Variants in STK32B observed in about 807,000 individuals in gnomAD.
The protein encoded by STK32B is serine/threonine kinase 32B.
STK32B carries 43 observed loss-of-function variants against 52.6 expected under a neutral mutation model. The observed-to-expected ratio is 0.82, with a 90% confidence interval of 0.64 to 1.05. The LOEUF (loss-of-function observed/expected upper bound fraction) is 1.05. Ranked by LOEUF, STK32B falls within the 50% of genes least tolerant of loss-of-function variation. The pLI is 0.00. For missense variants in STK32B, 621 were observed against 534.6 expected, an observed-to-expected ratio of 1.16 and a Z score of -1.59; for synonymous variants, 238 against 204.3, an observed-to-expected ratio of 1.17 and a Z score of -1.41.
intron 4 of STK32B, among the ~76,000 whole-genome samples, chr4:5,377,071 C>A (rs987428135): frequency 6.6e-6 from 1 of 152,196 alleles, no homozygotes; most frequent in Non-Finnish European, 1.5e-5. Flanking sequence ...AGCTTCCTGG[C>A]AGCTCTCTGC....
At chr4:5,245,172 G>A (rs1384720107) in intron 3 of STK32B, among the ~76,000 whole-genome samples, 3 of 152,200 alleles carry the variant, frequency 2.0e-5, no homozygotes, top group African/African-American at 4.8e-5. Flanking sequence ...AATGTTGACA[G>A]TGGGGTGTTA....
intron 3 of STK32B, among the ~76,000 whole-genome samples, chr4:5,182,793 G>T (rs1026695970): frequency 7.9e-5 from 12 of 151,972 alleles, no homozygotes; most frequent in African/African-American, 2.9e-4. Context: ...AGATGTGAAG[G>T]TCAAGATTAC....
At chr4:5,257,371 A>ATGAG in intron 3 of STK32B, among the ~76,000 whole-genome samples, 1 of 152,060 alleles carries the variant, frequency 6.6e-6, no homozygotes, top group African/African-American at 2.4e-5. Flanking sequence ...GAGTAAGTGA[A>ATGAG]TGAGTGAATG....
chr4:5,160,287 A>C (rs1718336675), intron 2 of STK32B, among the ~76,000 whole-genome samples: 1 of 152,116 alleles, frequency 6.6e-6, no homozygotes, highest in Non-Finnish European at 1.5e-5. Flanking sequence ...TGAACCGCAT[A>C]CTCAGTGCTT....
At chr4:5,388,240 G>A (rs540283298) in intron 4 of STK32B, among the ~76,000 whole-genome samples, 3 of 152,282 alleles carry the variant, frequency 2.0e-5, no homozygotes, top group East Asian at 1.9e-4. Context: ...TCATTTTGGC[G>A]TCCACTCCTC....
Position 5,457,235 on chromosome 4 carries a change from A to G in STK32B, c.783+312A>G, listed in dbSNP as rs1327744269. Among the ~76,000 whole-genome samples the G allele has an allele frequency of 4.0e-5, 5 of 125,038 alleles. No homozygotes were observed. In the South Asian group the frequency reaches 7.8e-4, roughly 20 times the overall value. 82.0% of individuals were successfully genotyped at this position (125,038 alleles called of 152,430 possible). A position where few individuals can be genotyped will look rare whatever the true frequency, so the allele number is the denominator to read the frequency against. On this transcript the variant is annotated intron_variant, in intron 8 of 11. Transcript: ENST00000282908. Reference sequence around the variant, plus strand: ...TTCTTTTTTTTTTTTTTTTTTTAATATACGGAGTCTCACTCTGTCGCCCAG... The same window carrying G: ...TTCTTTTTTTTTTTTTTTTTTTAATGTACGGAGTCTCACTCTGTCGCCCAG...
chr4:5,146,967 T>C (rs1252295413), intron 2 of STK32B, among the ~76,000 whole-genome samples: 2 of 152,210 alleles, frequency 1.3e-5, no homozygotes, highest in Non-Finnish European at 2.9e-5. Flanking sequence ...GGAATTACAA[T>C]TGGTCAAATC....
At chr4:5,314,295 G>A (rs1730514529) in intron 3 of STK32B, among the ~76,000 whole-genome samples, 1 of 152,136 alleles carries the variant, frequency 6.6e-6, no homozygotes, top group African/African-American at 2.4e-5. Flanking sequence ...CATGAAGGAA[G>A]GATAGCTTCT....
intron 1 of STK32B, among the ~76,000 whole-genome samples, chr4:5,060,195 A>T (rs1220092743): frequency 6.6e-6 from 1 of 152,020 alleles, no homozygotes; most frequent in African/African-American, 2.4e-5. Context: ...CGAACTCCCA[A>T]CCTCAGGTGA....
At chr4:5,137,771 A>G (rs957306804) in intron 1 of STK32B, among the ~76,000 whole-genome samples, 2 of 152,304 alleles carry the variant, frequency 1.3e-5, no homozygotes, top group Admixed American at 6.5e-5. Context: ...AAGGAAAAAA[A>G]TGGTTAGTTG....
At chr4:5,040,893 T>G in the STK32B span, among the ~76,000 whole-genome samples, 1 of 152,156 alleles carries the variant, frequency 6.6e-6, no homozygotes, top group African/African-American at 2.4e-5. Context: ...ATGAATACCC[T>G]AGGCAACTGT....
At chr4:5,387,111 C>T (rs1736305986) in intron 4 of STK32B, among the ~76,000 whole-genome samples, 1 of 152,218 alleles carries the variant, frequency 6.6e-6, no homozygotes, top group Admixed American at 6.5e-5. Context: ...CTGGGGGTCA[C>T]AATTAACTAT....
At chr4:5,411,921 A>G (rs1432156307) in intron 5 of STK32B, among the ~76,000 whole-genome samples, 1 of 152,182 alleles carries the variant, frequency 6.6e-6, no homozygotes, top group African/African-American at 2.4e-5. Flanking sequence ...ATTTCCTGGT[A>G]GTGGAAGTAT....
the STK32B span, among the ~76,000 whole-genome samples, chr4:5,024,646 G>C: frequency 6.6e-6 from 1 of 152,146 alleles, no homozygotes; most frequent in Non-Finnish European, 1.5e-5. Flanking sequence ...AGCCTCCTCA[G>C]CCCTGACATT....
chr4:5,114,430 A>G (rs558099438), intron 1 of STK32B, among the ~76,000 whole-genome samples: 8 of 152,072 alleles, frequency 5.3e-5, no homozygotes, highest in Admixed American at 3.3e-4. Context: ...GTTTAGTGTC[A>G]GGCGTCCTGT....
intron 3 of STK32B, among the ~76,000 whole-genome samples, chr4:5,174,324 G>A (rs1333945819): frequency 6.6e-6 from 1 of 152,144 alleles, no homozygotes; most frequent in African/African-American, 2.4e-5. Context: ...ATTGTTATGT[G>A]TGAATTTGAT....
At chr4:5,105,615 G>T (rs1714055055) in intron 1 of STK32B, among the ~76,000 whole-genome samples, 1 of 152,050 alleles carries the variant, frequency 6.6e-6, no homozygotes, top group Middle Eastern at 3.4e-3. Flanking sequence ...CCAGGCTGGA[G>T]TGTAGTGGCG....
chr4:5,346,820 A>G (rs1733495197), intron 4 of STK32B, among the ~76,000 whole-genome samples: 1 of 152,224 alleles, frequency 6.6e-6, no homozygotes, highest in Admixed American at 6.5e-5. Flanking sequence ...GGTAGTTTAG[A>G]AAGAAAGAAG....
chr4:5,324,868 C>G (rs2108944714), intron 3 of STK32B, among the ~76,000 whole-genome samples: 1 of 152,294 alleles, frequency 6.6e-6, no homozygotes, highest in African/African-American at 2.4e-5. Context: ...TCTGGGCTCC[C>G]TTATGAAATC....
Sources: allele counts gnomAD v4.1 joint callset (sites outside exome capture counted in the v4.1 genomes callset), GRCh38; gene constraint gnomAD v4.1.1; transcripts MANE v1.5; gene names NCBI Gene and HGNC (gene_info 2026-07-23, HGNC 2026-07-21).